Variants in ADAMTSL1 observed in about 807,000 individuals in gnomAD.
ADAMTSL1 encodes the protein ADAMTS like 1, also known as ADAMTS-like protein 1.
In ADAMTSL1, 126 loss-of-function variants were observed where a neutral mutation model predicts 201.8. The ratio of observed to expected loss-of-function variants is 0.62; its 90% CI spans 0.54 to 0.72. The LOEUF (loss-of-function observed/expected upper bound fraction) is 0.72. Among genes scored for constraint, ADAMTSL1 ranks in the 30% least tolerant of loss-of-function variants. The probability of loss-of-function intolerance (pLI) is 0.00; values close to 1 mark genes in which losing one functional copy is unlikely to be tolerated. For missense variants in ADAMTSL1, 2,679 were observed against 2,277.8 expected, an observed-to-expected ratio of 1.18 and a Z score of -3.59; for synonymous variants, 1,121 against 903.4, an observed-to-expected ratio of 1.24 and a Z score of -4.32.
At chr9:18,576,073 C>T (rs1246101077) in intron 4 of ADAMTSL1, among the ~76,000 whole-genome samples, 3 of 152,058 alleles carry the variant, frequency 2.0e-5, no homozygotes, top group Non-Finnish European at 4.4e-5. Context: ...CAAGTATAAA[C>T]ATGCTTTAAC....
At chr9:18,188,594 G>A (rs981994003) in intron 2 of ADAMTSL1, among the ~76,000 whole-genome samples, 1 of 152,140 alleles carries the variant, frequency 6.6e-6, no homozygotes, top group African/African-American at 2.4e-5. Context: ...AGGGAAAATA[G>A]TGCAATAATT....
At chr9:18,036,268 G>A (rs1202812525) in intron 1 of ADAMTSL1, among the ~76,000 whole-genome samples, 1 of 152,146 alleles carries the variant, frequency 6.6e-6, no homozygotes, top group Non-Finnish European at 1.5e-5. Flanking sequence ...GAGAGGCAGG[G>A]AAGAGGTTGA....
chr9:18,298,695 A>G (rs985939172), intron 2 of ADAMTSL1, among the ~76,000 whole-genome samples: 1 of 151,374 alleles, frequency 6.6e-6, no homozygotes, highest in African/African-American at 2.4e-5. Flanking sequence ...AAAGGCTGGA[A>G]GTAAGCAGTT....
chr9:18,842,271 C>T (rs146707637), intron 23 of ADAMTSL1, among the ~76,000 whole-genome samples: 1 of 151,956 alleles, frequency 6.6e-6, no homozygotes, highest in African/African-American at 2.4e-5. Context: ...GAACATCTTT[C>T]TTTCTGCCTT....
At chr9:18,876,301 C>CGTGTGTGTGT (rs59150507) in intron 23 of ADAMTSL1, among the ~76,000 whole-genome samples, 12,702 of 139,530 alleles carry the variant, frequency 0.091, 777 homozygotes, top group African/African-American at 0.13. Context: ...TGCCTGAATA[C>CGTGTGTGTGT]GTGTGTGTGT....
intron 1 of ADAMTSL1, among the ~76,000 whole-genome samples, chr9:18,008,085 A>G (rs563278273): frequency 1.8e-4 from 28 of 152,136 alleles, no homozygotes; most frequent in African/African-American, 6.7e-4. Context: ...TTTCATTTTT[A>G]TTGTGAGATA....
intron 2 of ADAMTSL1, among the ~76,000 whole-genome samples, chr9:18,252,659 T>A (rs1321001185): frequency 4.6e-5 from 7 of 152,060 alleles, no homozygotes; most frequent in Admixed American, 3.3e-4. Flanking sequence ...GTTGATTGAG[T>A]CCACGGATAC....
chr9:18,903,731 A>G (rs1176734562), intron 26 of ADAMTSL1, among the ~76,000 whole-genome samples: 1 of 152,030 alleles, frequency 6.6e-6, no homozygotes, highest in Non-Finnish European at 1.5e-5. Flanking sequence ...TGGTGTCAGG[A>G]GCACCTGCAT....
chr9:18,828,402 C>T (rs183175705), intron 22 of ADAMTSL1, among the ~76,000 whole-genome samples: 70 of 151,838 alleles, frequency 4.6e-4, no homozygotes, highest in Non-Finnish European at 9.0e-4. Flanking sequence ...TCATGAGTTT[C>T]AAGAGGAAGT....
rs1024988648 is a variant in ADAMTSL1 at position 18,513,346 on chromosome 9, T to C, written c.191+8390T>C. Among the ~76,000 whole-genome samples the C allele has an allele frequency of 4.6e-5, 7 of 152,346 alleles. No individual in the cohort carries two copies. The South Asian group carries it at 1.4e-3, about 32-fold the overall frequency. On this transcript the variant is annotated intron_variant, in intron 2 of 28. Transcript: ENST00000380548. ...ACCTCTGGCAGCCTCCCTTCTACTG[T>C]CTGCTTCTATGTACTTGATTAGTCT...
rs568702474 is a variant in ADAMTSL1, at chr9:17,931,732, C to G, written c.87+24810C>G. 2.3e-4 allele frequency among the ~76,000 whole-genome samples: 35 copies of G among 152,152 alleles called. 1 individual carries two copies. In the Middle Eastern group the frequency reaches 0.017, roughly 74 times the overall value. Reference sequence around the variant, plus strand: ...GTTGTGGCAGCTGTGAACACTCGTCCAAAAGCAGATGAGGGAGGTCATGGT... The same window carrying G: ...GTTGTGGCAGCTGTGAACACTCGTCGAAAAGCAGATGAGGGAGGTCATGGT... On this transcript the variant is annotated intron_variant, in intron 1 of 29. Transcript: ENST00000680146.
At chr9:18,130,686 A>G (rs1422868517) in intron 1 of ADAMTSL1, among the ~76,000 whole-genome samples, 2 of 152,194 alleles carry the variant, frequency 1.3e-5, no homozygotes, top group East Asian at 1.9e-4. Context: ...AGGAATACAA[A>G]CTACCAAATA....
At chr9:18,058,666 A>G (rs1275136182) in intron 1 of ADAMTSL1, among the ~76,000 whole-genome samples, 1 of 151,164 alleles carries the variant, frequency 6.6e-6, no homozygotes, top group Non-Finnish European at 1.5e-5. Context: ...AATAGGTCTC[A>G]CTGATTCTTT....
At chr9:18,156,165 G>A (rs1369320138) in intron 1 of ADAMTSL1, among the ~76,000 whole-genome samples, 1 of 151,990 alleles carries the variant, frequency 6.6e-6, no homozygotes, top group East Asian at 1.9e-4. Flanking sequence ...CATTGGAACA[G>A]CCCTCGGAAA....
At position 18,833,002 on chromosome 9, in the gene ADAMTSL1, C is replaced by T. The variant is rs1026778436; in HGVS notation, c.4249+3025C>T. On this transcript the variant is annotated intron_variant, in intron 23 of 28. Transcript: ENST00000380548. ...ATTAAGTCTGGAGTGTTGAGATCCC[C>T]AGTAGGTGAGACTATTCCAGAACTG... is the stretch of plus-strand genomic sequence containing the variant. Among the ~76,000 whole-genome samples, 32 of 152,172 alleles carry T rather than the reference C, an allele frequency of 2.1e-4. 1 individual carries two copies. The highest frequency in any genetic ancestry group is 5.9e-5 in the Non-Finnish European group (4 of 68,040).
At chr9:18,085,488 T>TATATATATATATACTGTGTGTGC (rs1433290829) in intron 1 of ADAMTSL1, among the ~76,000 whole-genome samples, 16 of 151,368 alleles carry the variant, frequency 1.1e-4, no homozygotes, top group African/African-American at 3.9e-4. Flanking sequence ...TGTGCATATA[T>TATATATATATATACTGTGTGTGC]ATATATATAT....
At chr9:18,125,445 T>G (rs1357923839) in intron 1 of ADAMTSL1, among the ~76,000 whole-genome samples, 3 of 152,196 alleles carry the variant, frequency 2.0e-5, no homozygotes, top group Non-Finnish European at 2.9e-5. Context: ...TCCAATTTAT[T>G]TATTTTTTTC....
intron 6 of ADAMTSL1, 114 bp downstream of exon 6, chr9:18,636,131 AAT>A: frequency 3.4e-6 from 3 of 891,038 alleles, no homozygotes; most frequent in Non-Finnish European, 4.9e-6. Flanking sequence ...ACTCTATCAT[AAT>A]ATGATATTTT....
chr9:18,409,101 A>C (rs752038883), intron 2 of ADAMTSL1, among the ~76,000 whole-genome samples: 11 of 151,954 alleles, frequency 7.2e-5, no homozygotes, highest in Admixed American at 2.0e-4. Flanking sequence ...ACTGACATCC[A>C]GGCCGGGCAC....
Sources: allele counts gnomAD v4.1 joint callset (sites outside exome capture counted in the v4.1 genomes callset), GRCh38; gene constraint gnomAD v4.1.1; transcripts MANE v1.5; gene names NCBI Gene and HGNC (gene_info 2026-07-23, HGNC 2026-07-21).